The following SNRK variants were observed in gnomAD, a reference collection of about 807,000 sequenced individuals.
SNRK encodes SNF related kinase, also known as SNF-related serine/threonine-protein kinase.
SNRK carries 3 observed loss-of-function variants against 48.2 expected under a neutral mutation model. That is an observed-to-expected ratio of 0.06 (90% CI 0.03 to 0.16). SNRK has a LOEUF of 0.16. Among genes scored for constraint, SNRK ranks in the 10% least tolerant of loss-of-function variants. The pLI is 1.00. For missense variants in SNRK, 627 were observed against 976.0 expected (o/e 0.64, Z 4.76); for synonymous variants, 376 against 366.1 (o/e 1.03, Z -0.31).
chr3:43,330,080 T>C (rs572134630), intron 3 of SNRK, among the ~76,000 whole-genome samples: 5 of 152,320 alleles, frequency 3.3e-5, no homozygotes, highest in East Asian at 3.9e-4. Flanking sequence ...ATAGGACTTA[T>C]ATGGAAAGAT....
chr3:43,304,352 GGTT>G (rs912316274), intron 3 of SNRK, among the ~76,000 whole-genome samples: 6 of 152,092 alleles, frequency 3.9e-5, no homozygotes, highest in Admixed American at 3.9e-4. Context: ...CGACCCGTGG[GGTT>G]GTTATTGTCT....
intron 3 of SNRK, among the ~76,000 whole-genome samples, chr3:43,329,876 ATGTTGGGTAAT>A (rs1030304848): frequency 2.6e-5 from 4 of 152,162 alleles, no homozygotes; most frequent in African/African-American, 9.7e-5. Context: ...TCAAATAAGA[ATGTTGGGTAAT>A]TGTTAGTTGA....
chr3:43,346,233 A>G (rs2091274910), intron 6 of SNRK, among the ~76,000 whole-genome samples: 1 of 152,194 alleles, frequency 6.6e-6, no homozygotes, highest in African/African-American at 2.4e-5. Flanking sequence ...ATTTTTTTTT[A>G]ATGACAGGTT....
intron 3 of SNRK, among the ~76,000 whole-genome samples, chr3:43,318,545 CTTT>C (rs56922397): frequency 2.1e-5 from 3 of 145,594 alleles, no homozygotes; most frequent in Non-Finnish European, 1.5e-5. Flanking sequence ...ATTAAATTTT[CTTT>C]TTTTTTTTTT....
At chr3:43,339,850 TA>T (rs1366017789) in intron 4 of SNRK, among the ~76,000 whole-genome samples, 1 of 78,446 alleles carries the variant, frequency 1.3e-5, no homozygotes, top group Admixed American at 1.3e-4. Context: ...TATATATATA[TA>T]TATATATATA....
chr3:43,302,245 T>C lies in SNRK; in HGVS notation c.-106-853T>C, dbSNP rs557749777. On this transcript the variant is annotated intron_variant, in intron 2 of 6. Transcript: ENST00000296088. ...CAAAACATTTATATAAATTCAATTA[T>C]AAGTTTAAAAAGTCAATGTTAATAT... Among the ~76,000 whole-genome samples the C allele has an allele frequency of 2.1e-3, 319 of 152,298 alleles. 1 individual carries two copies. The highest frequency in any genetic ancestry group is 3.4e-3 in the Non-Finnish European group (234 of 68,016).
At position 43,347,187 on chromosome 3, in the gene SNRK, G is replaced by T; in HGVS notation, c.1080-152G>T. On this transcript the variant is annotated intron_variant, in intron 6 of 6. Transcript: ENST00000296088. This position sits in a 1 kb window ranked among gnomAD's most constrained non-coding sequence, Gnocchi z 5.4. Reference sequence around the variant, plus strand: ...CATTTGCCCTTCTGGTGGCCTTGCTGATGTTTACAGGATGTTGAATGGGTT... The same window carrying T: ...CATTTGCCCTTCTGGTGGCCTTGCTTATGTTTACAGGATGTTGAATGGGTT... The T allele has an allele frequency of 1.3e-6, 1 of 744,598 alleles. No homozygotes were observed. Among genetic ancestry groups the T allele is most frequent in the Non-Finnish European group, 2.1e-6 (1 of 484,428 alleles). The allele number at this position is 744,598 out of a possible 1,614,324, so 46.1% of individuals were successfully genotyped here. A position where few individuals can be genotyped will look rare whatever the true frequency, so the allele number is the denominator to read the frequency against.
intron 3 of SNRK, among the ~76,000 whole-genome samples, chr3:43,317,516 T>G (rs912447626): frequency 6.6e-5 from 10 of 152,224 alleles, no homozygotes; most frequent in African/African-American, 2.4e-4. Flanking sequence ...TGAAAACTAT[T>G]TAGAGACCTT....
chr3:43,334,260 G>A (rs1300044929), intron 4 of SNRK, among the ~76,000 whole-genome samples: 3 of 152,108 alleles, frequency 2.0e-5, no homozygotes, highest in Non-Finnish European at 4.4e-5. Context: ...AGACCAGCCT[G>A]GGCAACATAG....
At chr3:43,319,097 GCTCA>G (rs1575545517) in intron 3 of SNRK, among the ~76,000 whole-genome samples, 1 of 151,824 alleles carries the variant, frequency 6.6e-6, no homozygotes, top group East Asian at 1.9e-4. Context: ...ACTCTCTTGT[GCTCA>G]CTGAGATGGG....
intron 1 of SNRK, among the ~76,000 whole-genome samples, chr3:43,290,051 AT>A (rs1211895173): frequency 6.6e-6 from 1 of 152,208 alleles, no homozygotes; most frequent in Non-Finnish European, 1.5e-5. Context: ...AGGAACCTGG[AT>A]TACACAACAT....
intron 4 of SNRK, among the ~76,000 whole-genome samples, chr3:43,339,572 C>T (rs1575558963): frequency 6.6e-6 from 1 of 151,840 alleles, no homozygotes; most frequent in Non-Finnish European, 1.5e-5. Context: ...AATCCCAGCA[C>T]ATTGGAAGGC....
intron 2 of SNRK, among the ~76,000 whole-genome samples, chr3:43,300,663 C>A (rs1052308972): frequency 6.8e-6 from 1 of 146,754 alleles, no homozygotes; most frequent in African/African-American, 2.6e-5. Context: ...ATTAAAATTT[C>A]TTTTGGGGAA....
intron 3 of SNRK, among the ~76,000 whole-genome samples, chr3:43,325,366 T>C (rs1400392140): frequency 6.6e-6 from 1 of 151,990 alleles, no homozygotes; most frequent in Non-Finnish European, 1.5e-5. Flanking sequence ...AGGATTTCAC[T>C]GTGTTAGCCA....
chr3:43,345,446 T>A (rs2091267999), intron 6 of SNRK, among the ~76,000 whole-genome samples: 1 of 152,110 alleles, frequency 6.6e-6, no homozygotes, highest in Non-Finnish European at 1.5e-5. Context: ...AGAGAACAGA[T>A]ACATGCTCTG....
chr3:43,304,463 C>T (rs1024942669), intron 3 of SNRK, among the ~76,000 whole-genome samples: 2 of 152,094 alleles, frequency 1.3e-5, no homozygotes, highest in Non-Finnish European at 2.9e-5. Context: ...ACCTTCTTTC[C>T]CTCTCCACAC....
chr3:43,295,805 C>T (rs1462026418), intron 1 of SNRK, among the ~76,000 whole-genome samples: 1 of 152,140 alleles, frequency 6.6e-6, no homozygotes, highest in Non-Finnish European at 1.5e-5. Context: ...GTGGCGTGAT[C>T]TCTGCTCACT....
chr3:43,319,940 A>T (rs2091041404), intron 3 of SNRK, among the ~76,000 whole-genome samples: 1 of 152,190 alleles, frequency 6.6e-6, no homozygotes, highest in African/African-American at 2.4e-5. Context: ...AGAGGTGTTT[A>T]TTGAACACTA....
At chr3:43,300,608 G>C (rs2090891145) in intron 2 of SNRK, among the ~76,000 whole-genome samples, 4 of 147,078 alleles carry the variant, frequency 2.7e-5, no homozygotes, top group African/African-American at 7.9e-5. Flanking sequence ...ATAGTTTCCT[G>C]CCCCCCCCCC....
Sources: gnomAD v4.1 joint callset for allele counts (sites outside exome capture counted in the v4.1 genomes callset) on GRCh38, gnomAD v4.1.1 for gene constraint, Gnocchi (gnomAD v3.1) non-coding constraint, MANE v1.5 for transcripts, NCBI Gene and HGNC (gene_info 2026-07-23, HGNC 2026-07-21) for gene names.